NIPAL4: variants seen among roughly 807,000 people sequenced by gnomAD.
NIPAL4 encodes the protein NIPA like domain containing 4.
In NIPAL4, 21 loss-of-function variants were observed where a neutral mutation model predicts 31.6. That is an observed-to-expected ratio of 0.67 (90% CI 0.47 to 0.96). The LOEUF is 0.96. NIPAL4 is among the 40% of genes least tolerant of loss of function. The pLI, the probability that NIPAL4 is intolerant of heterozygous loss-of-function variation, is 0.00. For missense variants in NIPAL4, 438 were observed against 508.0 expected, an observed-to-expected ratio of 0.86 and a Z score of 1.32; for synonymous variants, 175 against 211.1, an observed-to-expected ratio of 0.83 and a Z score of 1.48.
At chr5:157,460,396 C>A (rs1213773733) in intron 1 of NIPAL4, 39 bp downstream of exon 1, 4 of 1,512,772 alleles carry the variant, frequency 2.6e-6, no homozygotes, top group Admixed American at 3.9e-5. Context: ...GGGCTCCGCG[C>A]TTCGCGCCCT....
chr5:157,466,564 G>C (rs1561829293), intron 2 of NIPAL4, among the ~76,000 whole-genome samples: 1 of 152,230 alleles, frequency 6.6e-6, no homozygotes, highest in Non-Finnish European at 1.5e-5. Flanking sequence ...CCTTCGTGTA[G>C]CAGGTGGCAG....
rs1294070224 is a variant in NIPAL4 at position 157,460,315 on chromosome 5, G to T, written c.-6G>T. On this transcript the variant is annotated 5_prime_UTR_variant, in exon 1 of 6. Coordinates refer to ENST00000311946, the MANE Select transcript of NIPAL4 (RefSeq NM_001099287.2). ...CCCGCGCGTCGGTTCGTGTGCCCCG[G>T]GCCCCATGGAGCTGCGGGTCAGCAA... 4 of 1,547,922 alleles carry T rather than the reference G, an allele frequency of 2.6e-6. No individual in the cohort carries two copies. In the East Asian group the frequency reaches 9.8e-5, roughly 38 times the overall value.
chr5:157,467,845 T>A (rs1406954321), intron 3 of NIPAL4: 1 of 152,198 alleles, frequency 6.6e-6, no homozygotes, highest in Non-Finnish European at 1.5e-5. Flanking sequence ...GAAACTCAGA[T>A]AGAGAGAAAG....
At chr5:157,470,212 C>T (rs1364163891) in intron 4 of NIPAL4, among the ~76,000 whole-genome samples, 1 of 152,164 alleles carries the variant, frequency 6.6e-6, no homozygotes, top group Non-Finnish European at 1.5e-5. Flanking sequence ...AAGCATGCCC[C>T]CGTGATTATA....
In NIPAL4 at chr5:157,472,800, G is replaced by A; in HGVS notation, c.1055G>A (p.Cys352Tyr). 1 of 1,606,462 alleles carries A rather than the reference G, an allele frequency of 6.2e-7. No homozygotes were observed. The highest frequency in any genetic ancestry group is 1.1e-5 in the South Asian group (1 of 90,834). Residue 352 changes from cysteine to tyrosine, a missense_variant, in exon 6 of 6, where the codon TGC (cysteine) becomes TAC (tyrosine). Transcript: ENST00000311946. The stretch of plus-strand genomic sequence containing the variant: ...GCTTTCAAAGACCTGGACATCAGCT[G>A]CGCCAGCTTGCCCCACATGCACAAA... ...LHAFKDLDIS[C>Y]ASLPHMHKNP...
At chr5:157,465,484 T>C (rs897129290) in intron 2 of NIPAL4, among the ~76,000 whole-genome samples, 1 of 152,350 alleles carries the variant, frequency 6.6e-6, no homozygotes, top group Non-Finnish European at 1.5e-5. Flanking sequence ...TGGATTTTTA[T>C]GAAACTGTCT....
intron 4 of NIPAL4, among the ~76,000 whole-genome samples, chr5:157,470,073 G>A (rs1464142469): frequency 6.6e-6 from 1 of 152,180 alleles, no homozygotes; most frequent in East Asian, 1.9e-4. Flanking sequence ...AGACAGACAA[G>A]AGAGCTTAGA....
In NIPAL4 at chr5:157,470,060, G is replaced by A. The variant is rs145704043; in HGVS notation, c.425+1248G>A. Among the ~76,000 whole-genome samples the A allele has an allele frequency of 2.9e-3, 439 of 152,130 alleles. 3 individuals are homozygous for A. Among genetic ancestry groups the A allele is most frequent in the African/African-American group, 1.0e-2 (414 of 41,446 alleles). Reference sequence around the variant, plus strand: ...TTTTTGGTAGTTTCAGAGGAAAGACGGAAGACAGACAAGAGAGCTTAGATA... The same window carrying A: ...TTTTTGGTAGTTTCAGAGGAAAGACAGAAGACAGACAAGAGAGCTTAGATA... On this transcript the variant is annotated intron_variant, in intron 4 of 5. Transcript: ENST00000311946.
chr5:157,460,715 C>A (rs1357588639), intron 1 of NIPAL4: 2 of 480,408 alleles, frequency 4.2e-6, no homozygotes, highest in African/African-American at 3.9e-5. Flanking sequence ...TTAGTACCTG[C>A]GCAGTTTGGG....
rs545329459 is a variant in NIPAL4 at position 157,468,410 on chromosome 5, G to A, written c.335-312G>A. The stretch of plus-strand genomic sequence containing the variant: ...CTAGTCCAAAATACTGGCAGTCCCT[G>A]AGACAAATTTAACTGTGCCTGTCAG... On this transcript the variant is annotated intron_variant, in intron 3 of 5. Transcript: ENST00000311946. 1.6e-4 allele frequency among the ~76,000 whole-genome samples: 24 copies of A among 152,302 alleles called. 1 individual carries two copies. Among genetic ancestry groups the A allele is most frequent in the African/African-American group, 5.8e-4 (24 of 41,560 alleles).
chr5:157,462,493 AAAAAAC>A (rs1754136442), intron 1 of NIPAL4, among the ~76,000 whole-genome samples: 2 of 152,162 alleles, frequency 1.3e-5, no homozygotes, highest in South Asian at 4.1e-4. Flanking sequence ...TCTCTACACA[AAAAAAC>A]AAAAACAAAA....
Position 157,471,959 on chromosome 5 carries a change from G to C in NIPAL4, c.586+142G>C, listed in dbSNP as rs6879450. Reference sequence around the variant, plus strand: ...GCAAGCTAAAGAAGAAATGTTAATGGGCTGGTACTTGTTAGCAAGGCTAGC... The same window carrying C: ...GCAAGCTAAAGAAGAAATGTTAATGCGCTGGTACTTGTTAGCAAGGCTAGC... On this transcript the variant is annotated intron_variant, in intron 5 of 5. Transcript: ENST00000311946. 4.5e-6 allele frequency: 3 copies of C among 664,382 alleles called. No homozygotes were observed. The African/African-American group carries it at 5.4e-5, about 12-fold the overall frequency. The allele number at this position is 664,382 out of a possible 1,614,324, so 41.2% of individuals were successfully genotyped here. A position where few individuals can be genotyped will look rare whatever the true frequency, so the allele number is the denominator to read the frequency against.
In NIPAL4 at chr5:157,472,525, G is replaced by A. The variant is rs751481952; in HGVS notation, c.780G>A (p.Arg260=). ...KNFFQGLPVV[R]HPLPYILSLI... ...TCTTCCAGGGGCTGCCAGTTGTCCG[G>A]CACCCGCTCCCCTACATCCTGTCCC... Residue 260 remains arginine, a synonymous_variant, in exon 6 of 6, where the codon CGG becomes CGA. Coordinates refer to ENST00000311946, the MANE Select transcript of NIPAL4 (RefSeq NM_001099287.2). 1.2e-6 allele frequency: 2 copies of A among 1,613,884 alleles called. No individual in the cohort carries two copies. The highest frequency in any genetic ancestry group is 4.5e-5 in the East Asian group (2 of 44,882).
chr5:157,460,247 C>A lies in NIPAL4; in HGVS notation c.-74C>A. 6.5e-7 allele frequency: 1 copy of A among 1,531,450 alleles called. No homozygotes were observed. The highest frequency in any genetic ancestry group is 8.8e-7 in the Non-Finnish European group (1 of 1,139,672). The allele number at this position is 1,531,450 out of a possible 1,614,324, so 94.9% of individuals were successfully genotyped here. A position where few individuals can be genotyped will look rare whatever the true frequency, so the allele number is the denominator to read the frequency against. ...CGCGCGAGCCACGCGGGGGACAAGT[C>A]GCGGCCACCTGCTCCGGAGCTGGGG... On this transcript the variant is annotated 5_prime_UTR_variant, in exon 1 of 6. Coordinates refer to ENST00000311946, the MANE Select transcript of NIPAL4 (RefSeq NM_001099287.2).
intron 1 of NIPAL4, among the ~76,000 whole-genome samples, chr5:157,461,292 A>G (rs1303691883): frequency 1.3e-5 from 2 of 152,238 alleles, no homozygotes; most frequent in Non-Finnish European, 2.9e-5. Flanking sequence ...CATCTGGCCC[A>G]TGCTCAGAAT....
intron 4 of NIPAL4, among the ~76,000 whole-genome samples, chr5:157,471,169 C>CTCTGGAA (rs1415147668): frequency 6.6e-6 from 1 of 152,208 alleles, no homozygotes; most frequent in Non-Finnish European, 1.5e-5. Flanking sequence ...AGCCCCCTGA[C>CTCTGGAA]TCTGGAATTA....
At chr5:157,468,178 G>T (rs1754333801) in intron 3 of NIPAL4, among the ~76,000 whole-genome samples, 1 of 151,594 alleles carries the variant, frequency 6.6e-6, no homozygotes, top group South Asian at 2.1e-4. Flanking sequence ...GCCTCCCAAA[G>T]TGCTGGGATT....
intron 4 of NIPAL4, among the ~76,000 whole-genome samples, chr5:157,469,039 A>G (rs1232063137): frequency 2.0e-5 from 3 of 152,314 alleles, no homozygotes; most frequent in South Asian, 2.1e-4. Flanking sequence ...GCCAAGCCCA[A>G]AGCAGTTGGA....
chr5:157,472,919 T>C lies in NIPAL4; in HGVS notation c.1174T>C (p.Ser392Pro), dbSNP rs763874783. 10 of 1,523,048 alleles carry C rather than the reference T, an allele frequency of 6.6e-6. No homozygotes were observed. The highest frequency in any genetic ancestry group is 8.8e-6 in the Non-Finnish European group (10 of 1,136,524). 94.3% of individuals were successfully genotyped at this position (1,523,048 alleles called of 1,614,324 possible). A position where few individuals can be genotyped will look rare whatever the true frequency, so the allele number is the denominator to read the frequency against. The part of the protein sequence containing the change: ...VDNIELASTS[S>P]PEEKPKVFII... ...CAATATAGAACTTGCCAGCACCTCA[T>C]CACCAGAAGAGAAACCCAAAGTATT... The change falls in exon 6 of 6, where the codon TCA (serine) becomes CCA (proline). Residue 392 changes from serine (S) to proline (P), a missense_variant. Physicochemically the swap from Ser to Pro is moderately conservative, Grantham distance 74. Transcript: ENST00000311946.
Sources: allele counts gnomAD v4.1 joint callset (sites outside exome capture counted in the v4.1 genomes callset), GRCh38; gene constraint gnomAD v4.1.1; transcripts MANE v1.5; gene names NCBI Gene and HGNC (gene_info 2026-07-23, HGNC 2026-07-21).